Variants in FAM149B1 observed in about 807,000 individuals in gnomAD.
The protein encoded by FAM149B1 is family with sequence similarity 149 member B1.
Under a neutral mutation model 75.3 loss-of-function variants are expected in FAM149B1, and 56 were observed. That is an observed-to-expected ratio of 0.74 (90% CI 0.60 to 0.93). FAM149B1 has a LOEUF of 0.93. Among genes scored for constraint, FAM149B1 ranks in the 40% least tolerant of loss-of-function variants. FAM149B1 has a pLI of 0.00. For missense variants in FAM149B1, 639 were observed against 708.4 expected (o/e 0.90, Z 1.11); for synonymous variants, 259 against 256.1 (o/e 1.01, Z -0.11).
intron 5 of FAM149B1, chr10:73,200,849 C>A: frequency 2.0e-6 from 1 of 510,892 alleles, no homozygotes; most frequent in Non-Finnish European, 4.0e-6. Flanking sequence ...TTTCTCAATA[C>A]AAGGTGCAAG....
chr10:73,242,473 T>C lies in FAM149B1; in HGVS notation c.*1454T>C, dbSNP rs1306103200. 50 of 152,218 alleles carry C rather than the reference T, an allele frequency of 3.3e-4. No individual in the cohort carries two copies. Among genetic ancestry groups the C allele is most frequent in the Admixed American group, 3.3e-3 (50 of 15,282 alleles). 9.4% of individuals were successfully genotyped at this position (152,218 alleles called of 1,614,324 possible). ...AGCCCAATTCCCTCACCCTGTGTGT[T>C]TTCCCTCAAAGCCAGTGCAATTTTT... On this transcript the variant is annotated 3_prime_UTR_variant, in exon 14 of 14. Transcript: ENST00000242505.
intron 3 of FAM149B1, among the ~76,000 whole-genome samples, chr10:73,178,225 C>G (rs538184483): frequency 3.9e-5 from 6 of 152,338 alleles, no homozygotes; most frequent in African/African-American, 1.2e-4. Context: ...GGCACGGTGG[C>G]TCACGCCTGC....
intron 5 of FAM149B1, among the ~76,000 whole-genome samples, chr10:73,194,274 T>C (rs981487911): frequency 7.9e-5 from 12 of 152,120 alleles, no homozygotes; most frequent in African/African-American, 2.9e-4. Context: ...TATCCAAAAA[T>C]ATGGACACTT....
chr10:73,219,241 A>G (rs2043357363), intron 7 of FAM149B1, among the ~76,000 whole-genome samples: 1 of 152,202 alleles, frequency 6.6e-6, no homozygotes, highest in Non-Finnish European at 1.5e-5. Flanking sequence ...GTAATATTAT[A>G]GAAAGAAATT....
At chr10:73,211,655 T>C (rs934934667) in intron 7 of FAM149B1, among the ~76,000 whole-genome samples, 2 of 152,228 alleles carry the variant, frequency 1.3e-5, no homozygotes, top group African/African-American at 4.8e-5. Context: ...AGACAGAGCT[T>C]GTACTTTCTC....
chr10:73,177,489 A>T, intron 2 of FAM149B1, among the ~76,000 whole-genome samples: 1 of 152,102 alleles, frequency 6.6e-6, no homozygotes, highest in East Asian at 1.9e-4. Context: ...CAAGAGAATC[A>T]TTTGAATCCA....
At chr10:73,174,891 A>G (rs1843878556) in intron 2 of FAM149B1, 100 bp downstream of exon 2, 1 of 757,224 alleles carries the variant, frequency 1.3e-6, no homozygotes. Context: ...GCTAATGAAA[A>G]CAAAGCAAGA....
intron 7 of FAM149B1, among the ~76,000 whole-genome samples, chr10:73,222,740 T>C (rs2043446813): frequency 6.6e-6 from 1 of 152,216 alleles, no homozygotes; most frequent in Non-Finnish European, 1.5e-5. Context: ...ACAGTGGTCT[T>C]GAAAGCCATT....
At chr10:73,186,533 G>T (rs1488036776) in intron 3 of FAM149B1, among the ~76,000 whole-genome samples, 3 of 152,096 alleles carry the variant, frequency 2.0e-5, no homozygotes, top group Non-Finnish European at 4.4e-5. Flanking sequence ...AAATAAAAAT[G>T]TCTTTATTCA....
At chr10:73,239,576 C>G (rs945282510) in intron 13 of FAM149B1, among the ~76,000 whole-genome samples, 192 bp downstream of exon 13, 6 of 151,772 alleles carry the variant, frequency 4.0e-5, no homozygotes, top group African/African-American at 1.5e-4. Context: ...AGTTCTATTG[C>G]TCAGAGCCAA....
intron 1 of FAM149B1, among the ~76,000 whole-genome samples, chr10:73,172,780 T>G (rs1428780287): frequency 6.6e-6 from 1 of 152,084 alleles, no homozygotes; most frequent in Non-Finnish European, 1.5e-5. Context: ...ATATGTAATT[T>G]AAAATTTTCA....
chr10:73,194,173 G>T (rs546709832), intron 5 of FAM149B1, among the ~76,000 whole-genome samples: 2 of 152,150 alleles, frequency 1.3e-5, no homozygotes, highest in East Asian at 3.9e-4. Flanking sequence ...ATTTCAGCGT[G>T]AATTTTGGAG....
chr10:73,175,411 T>C (rs891129291), intron 2 of FAM149B1, among the ~76,000 whole-genome samples: 1 of 152,046 alleles, frequency 6.6e-6, no homozygotes, highest in Non-Finnish European at 1.5e-5. Flanking sequence ...GGCTCACGCC[T>C]GTAATCCCAA....
At chr10:73,221,908 C>T (rs1454336259) in intron 7 of FAM149B1, among the ~76,000 whole-genome samples, 2 of 151,972 alleles carry the variant, frequency 1.3e-5, no homozygotes, top group African/African-American at 2.4e-5. Context: ...TCTTCTACAA[C>T]GTTGAATCTG....
At chr10:73,240,712 T>A (rs1288184559) in intron 13 of FAM149B1, among the ~76,000 whole-genome samples, 7 of 132,258 alleles carry the variant, frequency 5.3e-5, no homozygotes, top group Admixed American at 4.6e-4. Context: ...AGACTCCACC[T>A]CCAAAAAAAA....
chr10:73,168,517 A>C, intron 1 of FAM149B1, 131 bp downstream of exon 1: 1 of 1,113,944 alleles, frequency 9.0e-7, no homozygotes, highest in East Asian at 2.8e-5. Flanking sequence ...CTCTCCTCTC[A>C]GCCCTGCTGG....
At chr10:73,170,813 G>C (rs1843679763) in intron 1 of FAM149B1, among the ~76,000 whole-genome samples, 3 of 152,018 alleles carry the variant, frequency 2.0e-5, no homozygotes, top group South Asian at 4.1e-4. Context: ...TGAGGAAACT[G>C]TCTTTTCCCA....
rs760415559 is a variant in FAM149B1 at position 73,243,833 on chromosome 10, C to T, written c.*2814C>T. 1.9e-6 allele frequency: 3 copies of T among 1,609,034 alleles called. No homozygotes were observed. Among genetic ancestry groups the T allele is most frequent in the African/African-American group, 2.7e-5 (2 of 74,666 alleles). ...TCATTAAAGATGTGGCAACAAACTGCCAAGTTTACCTGAATGGCTGCCTTC... is the reference window on the plus strand; with the variant it reads ...TCATTAAAGATGTGGCAACAAACTGTCAAGTTTACCTGAATGGCTGCCTTC... On this transcript the variant is annotated 3_prime_UTR_variant, in exon 14 of 14. Coordinates refer to ENST00000242505, the MANE Select transcript of FAM149B1 (RefSeq NM_173348.2).
chr10:73,176,312 C>T (rs1443395141), intron 2 of FAM149B1, among the ~76,000 whole-genome samples: 2 of 152,148 alleles, frequency 1.3e-5, no homozygotes, highest in Admixed American at 1.3e-4. Flanking sequence ...AAGCTTCATG[C>T]ACTCACCTGC....
Sources: gnomAD v4.1 joint callset for allele counts (sites outside exome capture counted in the v4.1 genomes callset) on GRCh38, gnomAD v4.1.1 for gene constraint, MANE v1.5 for transcripts, NCBI Gene and HGNC (gene_info 2026-07-23, HGNC 2026-07-21) for gene names.